VPS35L: variants seen among roughly 807,000 people sequenced by gnomAD.
VPS35L encodes VPS35 endosomal protein sorting factor like.
VPS35L carries 83 observed loss-of-function variants against 133.0 expected under a neutral mutation model. The ratio of observed to expected loss-of-function variants is 0.62; its 90% CI spans 0.52 to 0.75. The LOEUF is 0.75. Among genes scored for constraint, VPS35L ranks in the 30% least tolerant of loss-of-function variants. VPS35L has a pLI of 0.00. For synonymous variants in VPS35L, 423 were observed against 449.9 expected (o/e 0.94, Z 0.76); for missense variants, 1,083 against 1,206.8 (o/e 0.90, Z 1.52).
At chr16:19,616,951 A>G (rs1972916020) in intron 14 of VPS35L, 143 bp downstream of exon 14, 2 of 1,241,760 alleles carry the variant, frequency 1.6e-6, no homozygotes, top group South Asian at 1.3e-5. Flanking sequence ...AGGGCTTGCC[A>G]TGGTGGCTGG....
At chr16:19,650,148 T>C (rs1974078749) in intron 24 of VPS35L, among the ~76,000 whole-genome samples, 2 of 152,202 alleles carry the variant, frequency 1.3e-5, no homozygotes, top group South Asian at 4.1e-4. Flanking sequence ...AAGGCATGAC[T>C]GACGTAGCCA....
chr16:19,627,600 C>A, intron 15 of VPS35L, 94 bp from the exon 16 acceptor site: 1 of 969,010 alleles, frequency 1.0e-6, no homozygotes, highest in Non-Finnish European at 1.6e-6. Flanking sequence ...CGCTAAAGAG[C>A]TGTTAGTCTT....
chr16:19,668,220 G>A (rs543299741), intron 26 of VPS35L, among the ~76,000 whole-genome samples: 55 of 152,288 alleles, frequency 3.6e-4, no homozygotes, highest in Non-Finnish European at 6.6e-4. Context: ...ACTGGAAGTC[G>A]TTTTGGAGTG....
At chr16:19,624,482 G>A (rs1352603824) in intron 14 of VPS35L, among the ~76,000 whole-genome samples, 6 of 152,026 alleles carry the variant, frequency 3.9e-5, no homozygotes, top group African/African-American at 1.4e-4. Context: ...CTACTCGGGA[G>A]GCTGAGGCAG....
chr16:19,688,279 A>G (rs1170750422), intron 28 of VPS35L, among the ~76,000 whole-genome samples: 1 of 151,992 alleles, frequency 6.6e-6, no homozygotes, highest in Non-Finnish European at 1.5e-5. Flanking sequence ...TGTTTCTCAT[A>G]AATATTGTCT....
intron 29 of VPS35L, among the ~76,000 whole-genome samples, chr16:19,692,050 ATT>A (rs944722287): frequency 2.0e-5 from 3 of 151,364 alleles, no homozygotes; most frequent in African/African-American, 7.3e-5. Context: ...TATTTTTTGT[ATT>A]TTTTTAGTAG....
intron 27 of VPS35L, among the ~76,000 whole-genome samples, chr16:19,678,580 C>T (rs1975144500): frequency 2.0e-5 from 3 of 151,776 alleles, no homozygotes; most frequent in East Asian, 3.9e-4. Flanking sequence ...CAGGTTCAAG[C>T]AGTTCTCCTG....
chr16:19,608,283 T>C lies in VPS35L; in HGVS notation c.881+9T>C. On this transcript the variant is annotated intron_variant, in intron 10 of 30. Transcript: ENST00000417362. ...GAACTCATTCCAAGATTGTATCCTTTTTTTTTTTTTTGGTCTGATGATTTT... is the reference window on the plus strand; with the variant it reads ...GAACTCATTCCAAGATTGTATCCTTCTTTTTTTTTTTGGTCTGATGATTTT... 1.5e-6 allele frequency: 2 copies of C among 1,338,116 alleles called. No homozygotes were observed. Among genetic ancestry groups the C allele is most frequent in the Non-Finnish European group, 2.0e-6 (2 of 976,496 alleles). The allele number at this position is 1,338,116 out of a possible 1,614,324, so 82.9% of individuals were successfully genotyped here.
intron 25 of VPS35L, 88 bp downstream of exon 25, chr16:19,650,547 G>C: frequency 9.3e-7 from 1 of 1,076,266 alleles, no homozygotes; most frequent in Admixed American, 1.8e-5. Flanking sequence ...CCCAGAAAAA[G>C]ATGAGTATGT....
chr16:19,564,593 T>G (rs377329135), intron 1 of VPS35L, among the ~76,000 whole-genome samples: 1 of 152,224 alleles, frequency 6.6e-6, no homozygotes, highest in African/African-American at 2.4e-5. Flanking sequence ...AAGATGGTAT[T>G]TTACCATGTT....
At chr16:19,634,881 A>G (rs1015711306) in intron 19 of VPS35L, among the ~76,000 whole-genome samples, 1 of 152,204 alleles carries the variant, frequency 6.6e-6, no homozygotes, top group Non-Finnish European at 1.5e-5. Context: ...TGGACAGTCC[A>G]GTTAATGAGA....
At chr16:19,568,988 A>G (rs924925917) in intron 2 of VPS35L, among the ~76,000 whole-genome samples, 3 of 152,174 alleles carry the variant, frequency 2.0e-5, no homozygotes, top group Non-Finnish European at 4.4e-5. Context: ...AAAGGCAAAA[A>G]AAAAGTACCT....
intron 23 of VPS35L, 88 bp from the exon 24 acceptor site, chr16:19,647,696 G>T: frequency 1.0e-6 from 1 of 1,002,304 alleles, no homozygotes. Context: ...AGATGAGGTG[G>T]CAATAATAAT....
At chr16:19,632,815 C>T (rs924929687) in intron 18 of VPS35L, among the ~76,000 whole-genome samples, 4 of 152,240 alleles carry the variant, frequency 2.6e-5, no homozygotes, top group African/African-American at 4.8e-5. Context: ...GAGAGAGGCA[C>T]GGCCGATTCA....
chr16:19,693,851 A>AGGCGGGAATTGAAGGCTGC, intron 29 of VPS35L, among the ~76,000 whole-genome samples: 1 of 149,256 alleles, frequency 6.7e-6, no homozygotes, highest in East Asian at 2.1e-4. Flanking sequence ...GGAGAGGCTG[A>AGGCGGGAATTGAAGGCTGC]GGCGGGAATT....
At chr16:19,569,681 C>A (rs1042762720) in intron 3 of VPS35L, 90 bp downstream of exon 3, 18 of 1,304,350 alleles carry the variant, frequency 1.4e-5, no homozygotes, top group Non-Finnish European at 1.8e-5. Flanking sequence ...CTTTTTTTTC[C>A]CCTGAGAGAC....
At chr16:19,564,396 G>A (rs1322221916) in intron 1 of VPS35L, among the ~76,000 whole-genome samples, 1 of 151,536 alleles carries the variant, frequency 6.6e-6, no homozygotes, top group Non-Finnish European at 1.5e-5. Flanking sequence ...TTTTTAAAAT[G>A]TTGTGTTTTG....
At chr16:19,696,286 A>G (rs1208024559) in intron 29 of VPS35L, among the ~76,000 whole-genome samples, 1 of 152,168 alleles carries the variant, frequency 6.6e-6, no homozygotes. Flanking sequence ...ATCCAGGCCC[A>G]TCACAGACCA....
chr16:19,617,662 T>C (rs1972940167), intron 14 of VPS35L: 1 of 152,158 alleles, frequency 6.6e-6, no homozygotes. Flanking sequence ...TTTCCAAGAC[T>C]GAGAAGCAGT....
Sources: gnomAD v4.1 joint callset for allele counts (sites outside exome capture counted in the v4.1 genomes callset) on GRCh38, gnomAD v4.1.1 for gene constraint, MANE v1.5 for transcripts, NCBI Gene and HGNC (gene_info 2026-07-23, HGNC 2026-07-21) for gene names.